The following SPON1 variants were observed in gnomAD, a reference collection of about 807,000 sequenced individuals.
SPON1 encodes the protein spondin 1, also known as spondin-1.
In SPON1, 52 loss-of-function variants were observed where a neutral mutation model predicts 111.7. That is an observed-to-expected ratio of 0.47 (90% CI 0.37 to 0.59). The LOEUF is 0.59. Among genes scored for constraint, SPON1 ranks in the 20% least tolerant of loss-of-function variants. The pLI is 0.00. For synonymous variants in SPON1, 410 were observed against 395.8 expected (o/e 1.04, Z -0.43); for missense variants, 957 against 1,068.5 (o/e 0.90, Z 1.46).
intron 5 of SPON1, among the ~76,000 whole-genome samples, chr11:14,117,740 AACAAACTT>A (rs1849277196): frequency 6.6e-6 from 1 of 152,188 alleles, no homozygotes; most frequent in Non-Finnish European, 1.5e-5. Context: ...TTATTAGCTT[AACAAACTT>A]CACCCAGATC....
chr11:13,982,540 A>G (rs1848152391), intron 1 of SPON1, among the ~76,000 whole-genome samples: 1 of 152,208 alleles, frequency 6.6e-6, no homozygotes, highest in Non-Finnish European at 1.5e-5. Context: ...GTGAAGATTG[A>G]GTTTCTGACC....
chr11:14,032,510 A>G (rs917840164), intron 2 of SPON1, among the ~76,000 whole-genome samples: 12 of 152,218 alleles, frequency 7.9e-5, no homozygotes, highest in African/African-American at 2.7e-4. Context: ...GGGAACCACA[A>G]CATACCGAGG....
At chr11:14,112,493 T>C (rs782707034) in intron 5 of SPON1, among the ~76,000 whole-genome samples, 28 of 152,252 alleles carry the variant, frequency 1.8e-4, no homozygotes, top group Non-Finnish European at 3.8e-4. Context: ...TTCTCATATA[T>C]TAAATGGGGA....
At chr11:14,052,358 G>A (rs1387972185) in intron 3 of SPON1, among the ~76,000 whole-genome samples, 1 of 152,226 alleles carries the variant, frequency 6.6e-6, no homozygotes, top group Non-Finnish European at 1.5e-5. Flanking sequence ...CTCCGTGTGT[G>A]ATTTAGAGGA....
At chr11:14,140,490 G>A (rs1415380694) in intron 6 of SPON1, among the ~76,000 whole-genome samples, 2 of 152,132 alleles carry the variant, frequency 1.3e-5, no homozygotes, top group Non-Finnish European at 2.9e-5. Flanking sequence ...CGCCTCCTGG[G>A]TTCAAGCGAT....
chr11:14,171,834 G>A (rs1486837942), intron 6 of SPON1, among the ~76,000 whole-genome samples: 4 of 148,732 alleles, frequency 2.7e-5, no homozygotes, highest in Non-Finnish European at 6.0e-5. Context: ...AGTTCTAGTT[G>A]GATTGCACTG....
At chr11:13,996,738 T>C (rs1473733768) in intron 2 of SPON1, among the ~76,000 whole-genome samples, 1 of 150,980 alleles carries the variant, frequency 6.6e-6, no homozygotes, top group Admixed American at 6.6e-5. Flanking sequence ...CACACACCTA[T>C]ATATATAATT....
At chr11:14,036,531 T>C (rs1554916659) in intron 2 of SPON1, among the ~76,000 whole-genome samples, 2 of 152,100 alleles carry the variant, frequency 1.3e-5, no homozygotes, top group African/African-American at 2.4e-5. Context: ...ACAGGGTATA[T>C]TTGAGGTGTT....
At chr11:14,151,567 G>A (rs931815435) in intron 6 of SPON1, among the ~76,000 whole-genome samples, 6 of 152,146 alleles carry the variant, frequency 3.9e-5, no homozygotes, top group Non-Finnish European at 2.9e-5. Flanking sequence ...GCACAGAGAT[G>A]AATAAGACCC....
chr11:14,239,866 G>A (rs1554939514), intron 6 of SPON1, among the ~76,000 whole-genome samples: 2 of 152,190 alleles, frequency 1.3e-5, no homozygotes, highest in Non-Finnish European at 1.5e-5. Flanking sequence ...ATAGTATCCC[G>A]TGTGCCCTAA....
intron 3 of SPON1, among the ~76,000 whole-genome samples, chr11:14,065,660 A>T (rs371123852): frequency 1.3e-5 from 2 of 152,340 alleles, no homozygotes; most frequent in African/African-American, 2.4e-5. Flanking sequence ...ATTAAATGGA[A>T]TGACATTCAT....
chr11:14,035,258 G>A (rs147597112), intron 2 of SPON1, among the ~76,000 whole-genome samples: 3,014 of 152,136 alleles, frequency 0.02, 97 homozygotes, highest in African/African-American at 0.068. Context: ...AAAGAGCATG[G>A]ACATTATGGC....
Position 14,267,255 on chromosome 11 carries a change from T to C in SPON1, c.*1568T>C, listed in dbSNP as rs1248517724. 6.6e-6 allele frequency: 1 copy of C among 152,234 alleles called. No homozygotes were observed. Among genetic ancestry groups the C allele is most frequent in the African/African-American group, 2.4e-5 (1 of 41,468 alleles). The allele number at this position is 152,234 out of a possible 1,614,324, so 9.4% of individuals were successfully genotyped here. On this transcript the variant is annotated 3_prime_UTR_variant, in exon 16 of 16. Transcript: ENST00000576479. ...AGTAAGTGTTCAGAAGGTTCTTTTT[T>C]ATATTGTCCTCCACCTCCATCATTT...
chr11:14,147,869 G>T (rs1438562244), intron 6 of SPON1, among the ~76,000 whole-genome samples: 5 of 151,900 alleles, frequency 3.3e-5, no homozygotes, highest in African/African-American at 1.2e-4. Context: ...AAAACACATG[G>T]ACAGGTCTCA....
rs190024929 is a variant in SPON1 at position 14,004,170 on chromosome 11, T to C, written c.345+21217T>C. Among the ~76,000 whole-genome samples, 32 of 151,080 alleles carry C rather than the reference T, an allele frequency of 2.1e-4. No individual in the cohort carries two copies. In the South Asian group the frequency reaches 6.3e-3, roughly 30 times the overall value. The stretch of plus-strand genomic sequence containing the variant: ...ACACACACAGACACACACACACACA[T>C]ACACACACACACACGTGTACATGTT... On this transcript the variant is annotated intron_variant, in intron 2 of 15. Coordinates refer to ENST00000576479, the MANE Select transcript of SPON1 (RefSeq NM_006108.4).
chr11:14,198,986 AG>A (rs1848432476), intron 6 of SPON1, among the ~76,000 whole-genome samples: 3 of 152,294 alleles, frequency 2.0e-5, no homozygotes, highest in Admixed American at 2.0e-4. Flanking sequence ...GACTTGAGTT[AG>A]TTTTGTTCCT....
chr11:14,082,789 A>G (rs1477943214), intron 5 of SPON1, among the ~76,000 whole-genome samples: 1 of 152,246 alleles, frequency 6.6e-6, no homozygotes, highest in Non-Finnish European at 1.5e-5. Flanking sequence ...TGCCACTGCA[A>G]AGATGATACT....
At chr11:14,225,258 G>A (rs1332885821) in intron 6 of SPON1, among the ~76,000 whole-genome samples, 1 of 152,164 alleles carries the variant, frequency 6.6e-6, no homozygotes, top group African/African-American at 2.4e-5. Flanking sequence ...TCTGTGGGTA[G>A]TGGGATTATG....
At chr11:14,124,367 T>C (rs1376341845) in intron 5 of SPON1, among the ~76,000 whole-genome samples, 2 of 152,232 alleles carry the variant, frequency 1.3e-5, no homozygotes, top group Non-Finnish European at 2.9e-5. Context: ...TCACCTGCCA[T>C]CTCCTCCAGG....
Sources: gnomAD v4.1 joint callset for allele counts (sites outside exome capture counted in the v4.1 genomes callset) on GRCh38, gnomAD v4.1.1 for gene constraint, MANE v1.5 for transcripts, NCBI Gene and HGNC (gene_info 2026-07-23, HGNC 2026-07-21) for gene names.